MSL2: variants seen among roughly 807,000 people sequenced by gnomAD.
The protein encoded by MSL2 is MSL complex subunit 2, also known as E3 ubiquitin-protein ligase MSL2.
A neutral mutation model predicts 35.8 loss-of-function variants in MSL2; 2 were observed. The ratio of observed to expected loss-of-function variants is 0.06; its 90% CI spans 0.02 to 0.18. The LOEUF is 0.18. Among genes scored for constraint, MSL2 ranks in the 10% least tolerant of loss-of-function variants. The pLI, the probability that MSL2 is intolerant of heterozygous loss-of-function variation, is 1.00. For missense variants in MSL2, 523 were observed against 706.7 expected, an observed-to-expected ratio of 0.74 and a Z score of 2.95; for synonymous variants, 296 against 255.7, an observed-to-expected ratio of 1.16 and a Z score of -1.50.
chr3:136,191,703 TTTAAGGCTGCAGTGAGCTAGGA>T (rs1419156353), intron 1 of MSL2, among the ~76,000 whole-genome samples: 1 of 151,680 alleles, frequency 6.6e-6, no homozygotes, highest in African/African-American at 2.4e-5. Flanking sequence ...AATCCAGGAG[TTTAAGGCTGCAGTGAGCTAGGA>T]TCGCACCACT....
intron 1 of MSL2, among the ~76,000 whole-genome samples, chr3:136,158,712 A>C (rs1939606075): frequency 5.3e-5 from 8 of 152,238 alleles, no homozygotes; most frequent in Admixed American, 5.2e-4. Context: ...CTTACAGAAA[A>C]TCTCAAAAAA....
In MSL2 at chr3:136,195,197, T is replaced by C; in HGVS notation, c.-84A>G. On this transcript the variant is annotated 5_prime_UTR_variant, in exon 1 of 2. Transcript: ENST00000309993. ...TAAGCAGCCAGGGAACGATGGCGAATTTGCAACAATTCGGAAGAAATCAGA... is the reference window on the plus strand; with the variant it reads ...TAAGCAGCCAGGGAACGATGGCGAACTTGCAACAATTCGGAAGAAATCAGA... 6.5e-7 allele frequency: 1 copy of C among 1,541,772 alleles called. No homozygotes were observed. Among genetic ancestry groups the C allele is most frequent in the Non-Finnish European group, 8.7e-7 (1 of 1,148,158 alleles).
At chr3:136,183,556 T>G (rs1435318778) in intron 1 of MSL2, among the ~76,000 whole-genome samples, 1 of 152,084 alleles carries the variant, frequency 6.6e-6, no homozygotes, top group African/African-American at 2.4e-5. Flanking sequence ...CAAGGGTCTG[T>G]GACTACAGGC....
At chr3:136,192,549 T>C (rs1940720208) in intron 1 of MSL2, among the ~76,000 whole-genome samples, 1 of 151,230 alleles carries the variant, frequency 6.6e-6, no homozygotes, top group Admixed American at 6.6e-5. Flanking sequence ...AAAAAAGTAG[T>C]GTTTTAGGCA....
At chr3:136,183,164 A>C (rs1434477615) in intron 1 of MSL2, among the ~76,000 whole-genome samples, 1 of 152,206 alleles carries the variant, frequency 6.6e-6, no homozygotes, top group Admixed American at 6.5e-5. Context: ...GCCAAGAAAG[A>C]AGCAGGAAAA....
chr3:136,174,415 TAC>T (rs901384492), intron 1 of MSL2, among the ~76,000 whole-genome samples: 1 of 152,230 alleles, frequency 6.6e-6, no homozygotes, highest in Non-Finnish European at 1.5e-5. Flanking sequence ...GTCCATGGCA[TAC>T]ACAGAGACAA....
rs1200214675 is a variant in MSL2, at chr3:136,152,136, T to C, written c.745A>G (p.Thr249Ala). 2.5e-6 allele frequency: 4 copies of C among 1,614,192 alleles called. No individual in the cohort carries two copies. The highest frequency in any genetic ancestry group is 1.1e-5 in the South Asian group (1 of 91,084). Residue 249 changes from threonine (T) to alanine (A), a missense_variant, in exon 2 of 2, where the codon ACA becomes GCA. By Grantham distance (58) the Thr-to-Ala change is moderately conservative (BLOSUM62 0). Around this residue, in one of 5 missense-constraint regions of MSL2, gnomAD observed 361 missense variants for 414.6 expected, o/e 0.87. Coordinates refer to ENST00000309993, the MANE Select transcript of MSL2 (RefSeq NM_018133.4). ...CDTVATDLCSTGIDICSFSED... is the reference protein window; with the variant it reads ...CDTVATDLCSAGIDICSFSED... Reference sequence around the variant, plus strand: ...CTGAAACTGCAGATATCAATGCCTGTGGAACATAAGTCAGTGGCTACTGTG... The same window carrying C: ...CTGAAACTGCAGATATCAATGCCTGCGGAACATAAGTCAGTGGCTACTGTG...
At chr3:136,185,284 CA>C (rs1205529993) in intron 1 of MSL2, among the ~76,000 whole-genome samples, 1 of 134,298 alleles carries the variant, frequency 7.4e-6, no homozygotes, top group African/African-American at 2.8e-5. Context: ...CCCAATTCAG[CA>C]AATTTTTAAC....
chr3:136,188,725 C>CAAA (rs11328242), intron 1 of MSL2, among the ~76,000 whole-genome samples: 1 of 102,508 alleles, frequency 9.8e-6, no homozygotes, highest in Non-Finnish European at 2.0e-5. Context: ...GACCCTGTCT[C>CAAA]AAAAAAAAAA....
Position 136,151,996 on chromosome 3 carries a change from T to C in MSL2, c.885A>G (p.Glu295=). Residue 295 remains glutamate, a synonymous_variant, in exon 2 of 2, where the codon GAA becomes GAG. Transcript: ENST00000309993. This position sits in a 1 kb window ranked among gnomAD's most constrained non-coding sequence, Gnocchi z 5.2. The part of the protein sequence containing the change: ...VCCPNLQPNL[E]ATVSNGPFLQ... Reference sequence around the variant, plus strand: ...GAAAAGGTCCATTGGATACAGTGGCTTCCAAGTTCGGCTGCAAATTAGGGC... The same window carrying C: ...GAAAAGGTCCATTGGATACAGTGGCCTCCAAGTTCGGCTGCAAATTAGGGC... 2 of 1,614,236 alleles carry C rather than the reference T, an allele frequency of 1.2e-6. No homozygotes were observed. The highest frequency in any genetic ancestry group is 1.7e-5 in the Admixed American group (1 of 60,028).
Position 136,174,895 on chromosome 3 carries a change from T to A in MSL2, c.142+20077A>T, listed in dbSNP as rs375516706. On this transcript the variant is annotated intron_variant, in intron 1 of 1. Coordinates refer to ENST00000309993, the MANE Select transcript of MSL2 (RefSeq NM_018133.4). ...TCATGTGTAATATATATGTTTAAAA[T>A]AAGTAAATACATATATACTAAACTC... 3.8e-4 allele frequency among the ~76,000 whole-genome samples: 58 copies of A among 152,334 alleles called. No homozygotes were observed. The East Asian group carries it at 0.01, about 27-fold the overall frequency.
chr3:136,168,159 C>T (rs899844312), intron 1 of MSL2, among the ~76,000 whole-genome samples: 5 of 151,976 alleles, frequency 3.3e-5, no homozygotes, highest in Admixed American at 2.0e-4. Flanking sequence ...CAGGAGTTAT[C>T]GCTTGAAGCC....
chr3:136,172,954 AG>A (rs1452432274), intron 1 of MSL2, among the ~76,000 whole-genome samples: 2 of 152,192 alleles, frequency 1.3e-5, no homozygotes, highest in Non-Finnish European at 2.9e-5. Context: ...ACTTGAGGTC[AG>A]GAGTTCAAGA....
At chr3:136,187,506 T>C (rs578076153) in intron 1 of MSL2, among the ~76,000 whole-genome samples, 2 of 151,382 alleles carry the variant, frequency 1.3e-5, no homozygotes, top group Admixed American at 6.6e-5. Flanking sequence ...CTACTAAAAA[T>C]ACATGAAAAA....
intron 1 of MSL2, among the ~76,000 whole-genome samples, chr3:136,183,098 A>C (rs1370310037): frequency 6.6e-6 from 1 of 152,156 alleles, no homozygotes; most frequent in African/African-American, 2.4e-5. Context: ...AAAAATATCC[A>C]GCAACAAAGT....
chr3:136,160,636 G>A (rs1939683582), intron 1 of MSL2, among the ~76,000 whole-genome samples: 4 of 151,672 alleles, frequency 2.6e-5, no homozygotes, highest in Admixed American at 2.0e-4. Context: ...CTTGAACTCA[G>A]GAGGCGGAGG....
At chr3:136,176,995 A>G (rs1347536511) in intron 1 of MSL2, among the ~76,000 whole-genome samples, 2 of 152,234 alleles carry the variant, frequency 1.3e-5, no homozygotes, top group Admixed American at 1.3e-4. Flanking sequence ...CTAAGACAGC[A>G]CAAGTTTACC....
intron 1 of MSL2, among the ~76,000 whole-genome samples, chr3:136,154,973 G>A (rs1939477612): frequency 6.6e-6 from 1 of 152,160 alleles, no homozygotes; most frequent in African/African-American, 2.4e-5. Context: ...ACTTTGGGAG[G>A]CCGAGGTAGG....
chr3:136,191,345 T>C (rs1940684400), intron 1 of MSL2, among the ~76,000 whole-genome samples: 1 of 151,458 alleles, frequency 6.6e-6, no homozygotes. Flanking sequence ...CGTGAGTCTG[T>C]AATCCCAAGC....
Sources: gnomAD v4.1 joint callset for allele counts (sites outside exome capture counted in the v4.1 genomes callset) on GRCh38, gnomAD v4.1.1 for gene constraint, gnomAD v4.1.1 regional missense constraint, Gnocchi (gnomAD v3.1) non-coding constraint, MANE v1.5 for transcripts, NCBI Gene and HGNC (gene_info 2026-07-23, HGNC 2026-07-21) for gene names.